Variants in PRDX1 observed in about 807,000 individuals in gnomAD.
The protein encoded by PRDX1 is peroxiredoxin-1.
PRDX1 carries 19 observed loss-of-function variants against 20.7 expected under a neutral mutation model. That is an observed-to-expected ratio of 0.92 (90% confidence interval 0.64 to 1.35). The LOEUF is 1.35. Among genes scored for constraint, PRDX1 ranks in the 40% most tolerant of loss-of-function variants. The pLI is 0.00. For synonymous variants in PRDX1, 89 were observed against 83.9 expected (o/e 1.06, Z -0.33); for missense variants, 226 against 240.0 (o/e 0.94, Z 0.38).
intron 1 of PRDX1, 75 bp from the exon 2 acceptor site, chr1:45,519,129 G>A: frequency 9.9e-7 from 1 of 1,011,916 alleles, no homozygotes; most frequent in South Asian, 1.6e-5. Context: ...TACTTAAAGA[G>A]ACTTAGCTGT....
intron 2 of PRDX1, 34 bp from the exon 3 acceptor site, chr1:45,515,841 G>T: frequency 6.6e-7 from 1 of 1,511,036 alleles, no homozygotes; most frequent in South Asian, 1.3e-5. Context: ...GTTAGCATTT[G>T]ACACAGACTT....
chr1:45,511,620 C>G (rs1570840077), intron 5 of PRDX1: 2 of 403,478 alleles, frequency 5.0e-6, no homozygotes, highest in East Asian at 7.4e-5. Context: ...TACTATCATG[C>G]CTAATTTATT....
intron 2 of PRDX1, among the ~76,000 whole-genome samples, chr1:45,516,977 T>A (rs1286774449): frequency 6.9e-6 from 1 of 145,080 alleles, no homozygotes; most frequent in African/African-American, 2.6e-5. Flanking sequence ...CCTGAGATCA[T>A]GCCACTGCAC....
Position 45,514,935 on chromosome 1 carries a change from G to T in PRDX1, c.321C>A (p.Asp107Glu), listed in dbSNP as rs773207065. Residue 107 changes from aspartate (D) to glutamate (E), a missense_variant, in exon 4 of 6, where the codon GAC (aspartate) becomes GAA (glutamate). By Grantham distance (45) the Asp-to-Glu change is conservative. Transcript: ENST00000319248. Reference sequence around the variant, plus strand: ...AATCCTGAGCAATGGTGCGCTTCGGGTCTGATACCAAAGGAATGTTCATGG... The same window carrying T: ...AATCCTGAGCAATGGTGCGCTTCGGTTCTGATACCAAAGGAATGTTCATGG... ...LGPMNIPLVS[D>E]PKRTIAQDYG... is the part of the protein sequence containing the mutation. The T allele has an allele frequency of 6.2e-7, 1 of 1,614,194 alleles. No homozygotes were observed. The highest frequency in any genetic ancestry group is 8.5e-7 in the Non-Finnish European group (1 of 1,180,028).
At chr1:45,511,469 T>G in intron 5 of PRDX1, 55 bp from the exon 6 acceptor site, 4 of 1,469,920 alleles carry the variant, frequency 2.7e-6, no homozygotes, top group Non-Finnish European at 3.8e-6. Context: ...TGCACCACCA[T>G]TCTCCTATGG....
chr1:45,520,910 CAG>C (rs139040037), intron 1 of PRDX1, among the ~76,000 whole-genome samples: 9,743 of 151,972 alleles, frequency 0.064, 1,011 homozygotes, highest in African/African-American at 0.22. Flanking sequence ...GCTCAAAAAA[CAG>C]AGATTTAACC....
At chr1:45,514,755 TAGTG>T in intron 4 of PRDX1, 114 bp downstream of exon 4, 1 of 1,565,458 alleles carries the variant, frequency 6.4e-7, no homozygotes, top group Non-Finnish European at 8.7e-7. Context: ...GGCCTGGCCT[TAGTG>T]AGGAGGCCCC....
chr1:45,514,591 C>G lies in PRDX1; in HGVS notation c.430G>C (p.Val144Leu), dbSNP rs376586917. ...GAGCGGCCAACAGGGAGGTCATTTA[C>G]AGTGATCTGCCGAAGAATACCCTTA... The part of the protein sequence containing the change: ...DDKGILRQIT[V>L]NDLPVGRSVD... Residue 144 changes from valine (V) to leucine (L), a missense_variant, in exon 5 of 6, where the codon GTA (valine) becomes CTA (leucine). Transcript: ENST00000319248. 10 of 1,613,524 alleles carry G rather than the reference C, an allele frequency of 6.2e-6. No homozygotes were observed. The highest frequency in any genetic ancestry group is 8.5e-6 in the Non-Finnish European group (10 of 1,179,570).
chr1:45,516,858 TAAAAATAC>T (rs1029024980), intron 2 of PRDX1, among the ~76,000 whole-genome samples: 3 of 151,824 alleles, frequency 2.0e-5, no homozygotes, highest in Middle Eastern at 3.2e-3. Context: ...ATGTCTCTAC[TAAAAATAC>T]AAAAATTAGC....
At position 45,514,552 on chromosome 1, in the gene PRDX1, A is replaced by G; in HGVS notation, c.469T>C (p.Leu157=). The change falls in exon 5 of 6, where the codon TTG becomes CTG. Residue 157 remains leucine (L), a synonymous_variant. Transcript: ENST00000319248. ...LPVGRSVDET[L]RLVQAFQFTD... ...AACTGGAAGGCCTGAACTAGTCTCA[A>G]AGTCTCATCCACAGAGCGGCCAACA... is the stretch of plus-strand genomic sequence containing the variant. The G allele has an allele frequency of 6.2e-7, 1 of 1,614,138 alleles. No individual in the cohort carries two copies. Among genetic ancestry groups the G allele is most frequent in the South Asian group, 1.1e-5 (1 of 91,084 alleles).
chr1:45,514,848 C>A (rs373285053), intron 4 of PRDX1, 25 bp downstream of exon 4: 4 of 1,613,256 alleles, frequency 2.5e-6, no homozygotes, highest in Non-Finnish European at 3.4e-6. Context: ...TTTCAGCCAA[C>A]TGGATACTTG....
At chr1:45,518,797 CAACATGAAGGT>C in intron 2 of PRDX1, 130 bp downstream of exon 2, 1 of 754,382 alleles carries the variant, frequency 1.3e-6, no homozygotes, top group South Asian at 1.8e-5. Flanking sequence ...ATCACCACTT[CAACATGAAGGT>C]AACAACCTAA....
chr1:45,519,048 C>T lies in PRDX1; in HGVS notation c.-5G>A. ...TTTAGCATTTCCTGAAGACATCTTCCTATCAGCTAGAAATAACAGAAATGA... is the reference window on the plus strand; with the variant it reads ...TTTAGCATTTCCTGAAGACATCTTCTTATCAGCTAGAAATAACAGAAATGA... On this transcript the variant is annotated 5_prime_UTR_variant, in exon 2 of 6. Coordinates refer to ENST00000319248, the MANE Select transcript of PRDX1 (RefSeq NM_181697.3). 6.4e-7 allele frequency: 1 copy of T among 1,563,316 alleles called. No individual in the cohort carries two copies. The highest frequency in any genetic ancestry group is 8.7e-7 in the Non-Finnish European group (1 of 1,151,064).
chr1:45,518,833 G>A, intron 2 of PRDX1, 105 bp downstream of exon 2: 1 of 1,019,032 alleles, frequency 9.8e-7, no homozygotes, highest in Non-Finnish European at 1.5e-6. Context: ...TTCTTCCTAG[G>A]AGACAAAACA....
chr1:45,519,181 T>C, intron 1 of PRDX1, 127 bp from the exon 2 acceptor site: 1 of 373,498 alleles, frequency 2.7e-6, no homozygotes, highest in South Asian at 4.4e-5. Context: ...ATACATTAAA[T>C]GTTGTTTTAG....
intron 2 of PRDX1, among the ~76,000 whole-genome samples, chr1:45,516,110 G>A (rs2149328232): frequency 6.6e-6 from 1 of 152,326 alleles, no homozygotes; most frequent in African/African-American, 2.4e-5. Context: ...TAAACACCAA[G>A]TTCTCCAAAG....
At position 45,515,823 on chromosome 1, in the gene PRDX1, G is replaced by A; in HGVS notation, c.107-16C>T. Reference sequence around the variant, plus strand: ...ACATATTTTCCTGGGGGGAAAATCGGAGTCATGGTTAGCATTTGACACAGA... The same window carrying A: ...ACATATTTTCCTGGGGGGAAAATCGAAGTCATGGTTAGCATTTGACACAGA... On this transcript the variant is annotated splice_polypyrimidine_tract_variant and intron_variant, in intron 2 of 5. Transcript: ENST00000319248. 1 of 1,544,672 alleles carries A rather than the reference G, an allele frequency of 6.5e-7. No individual in the cohort carries two copies. Among genetic ancestry groups the A allele is most frequent in the South Asian group, 1.2e-5 (1 of 80,586 alleles).
At chr1:45,519,740 C>A (rs550405844) in intron 1 of PRDX1, among the ~76,000 whole-genome samples, 3 of 152,142 alleles carry the variant, frequency 2.0e-5, no homozygotes, top group African/African-American at 7.2e-5. Context: ...GGATTACAGG[C>A]GCAGGCCACC....
chr1:45,521,584 AGACTC>A (rs1252104203), intron 1 of PRDX1: 4 of 152,146 alleles, frequency 2.6e-5, no homozygotes, highest in African/African-American at 7.2e-5. Flanking sequence ...TGCCGGGGGA[AGACTC>A]GACTCGAGTC....
Sources: allele counts gnomAD v4.1 joint callset (sites outside exome capture counted in the v4.1 genomes callset), GRCh38; gene constraint gnomAD v4.1.1; transcripts MANE v1.5; gene names NCBI Gene and HGNC (gene_info 2026-07-23, HGNC 2026-07-21).